The following PTGFR variants were observed in gnomAD, a reference collection of about 807,000 sequenced individuals.
PTGFR encodes the protein prostaglandin F receptor.
PTGFR carries 15 observed loss-of-function variants against 26.2 expected under a neutral mutation model. The ratio of observed to expected loss-of-function variants is 0.57; its 90% CI spans 0.38 to 0.88. PTGFR has a LOEUF of 0.88. PTGFR is among the 40% of genes least tolerant of loss of function. PTGFR has a pLI of 0.00. For missense variants in PTGFR, 369 were observed against 427.2 expected, an observed-to-expected ratio of 0.86 and a Z score of 1.20; for synonymous variants, 165 against 151.1, an observed-to-expected ratio of 1.09 and a Z score of -0.68.
intron 2 of PTGFR, among the ~76,000 whole-genome samples, chr1:78,508,551 G>A (rs1649880387): frequency 6.6e-6 from 1 of 152,082 alleles, no homozygotes; most frequent in Admixed American, 6.5e-5. Flanking sequence ...GCAAGTGCTA[G>A]CTCCCTGCTG....
chr1:78,515,760 A>G (rs545380928), intron 2 of PTGFR, among the ~76,000 whole-genome samples: 1 of 152,308 alleles, frequency 6.6e-6, no homozygotes, highest in African/African-American at 2.4e-5. Flanking sequence ...TGATTAATCT[A>G]ATTTCTTAAG....
chr1:78,520,326 C>A (rs1650193350), intron 2 of PTGFR, among the ~76,000 whole-genome samples: 1 of 152,046 alleles, frequency 6.6e-6, no homozygotes, highest in Middle Eastern at 3.4e-3. Context: ...TAAGTGAGGC[C>A]ATTTTTGTGG....
intron 2 of PTGFR, among the ~76,000 whole-genome samples, chr1:78,504,756 T>G (rs1033645074): frequency 1.3e-5 from 2 of 152,190 alleles, no homozygotes; most frequent in Non-Finnish European, 2.9e-5. Flanking sequence ...GTTAATGATC[T>G]GAATTTTCTA....
chr1:78,506,767 T>A (rs1006158002), intron 2 of PTGFR, among the ~76,000 whole-genome samples: 3 of 152,164 alleles, frequency 2.0e-5, no homozygotes, highest in African/African-American at 7.2e-5. Flanking sequence ...TTTTGGCTAA[T>A]TCCAGCATTT....
In PTGFR at chr1:78,519,836, G is replaced by A. The variant is rs937899302; in HGVS notation, c.799-16570G>A. Among the ~76,000 whole-genome samples, 11 of 152,120 alleles carry A rather than the reference G, an allele frequency of 7.2e-5. 1 individual carries two copies. The East Asian group carries it at 9.6e-4, about 13-fold the overall frequency. The stretch of plus-strand genomic sequence containing the variant: ...CATTGCGGTGTCTGGTGGTCTCTGG[G>A]CTTAGTGGAGTAGGTTCTTACCTAC... On this transcript the variant is annotated intron_variant, in intron 2 of 2. Transcript: ENST00000370757.
chr1:78,509,504 ATTT>A (rs1001243803), intron 2 of PTGFR, among the ~76,000 whole-genome samples: 4 of 152,228 alleles, frequency 2.6e-5, no homozygotes, highest in African/African-American at 2.4e-5. Context: ...TAGTATAAAA[ATTT>A]ATTTCCAAAT....
chr1:78,493,946 T>G (rs1478721367), intron 2 of PTGFR, among the ~76,000 whole-genome samples: 1 of 152,260 alleles, frequency 6.6e-6, no homozygotes, highest in South Asian at 2.1e-4. Flanking sequence ...TATTAGCTAC[T>G]GGGTTCTCCA....
chr1:78,529,572 G>A (rs1650455655), intron 2 of PTGFR, among the ~76,000 whole-genome samples: 1 of 152,110 alleles, frequency 6.6e-6, no homozygotes, highest in Non-Finnish European at 1.5e-5. Flanking sequence ...TTTTATAGAT[G>A]TGTTTTCTTC....
chr1:78,513,488 C>T (rs1650020191), intron 2 of PTGFR, among the ~76,000 whole-genome samples: 1 of 151,252 alleles, frequency 6.6e-6, no homozygotes, highest in African/African-American at 2.5e-5. Context: ...AGCAGCAAAG[C>T]ATTTAAGAAA....
intron 2 of PTGFR, among the ~76,000 whole-genome samples, chr1:78,513,823 A>C (rs1370652833): frequency 6.6e-6 from 1 of 151,882 alleles, no homozygotes; most frequent in Non-Finnish European, 1.5e-5. Flanking sequence ...TGTTTCCCAC[A>C]TCCAGGGTGC....
intron 2 of PTGFR, among the ~76,000 whole-genome samples, chr1:78,533,405 A>C (rs1650568824): frequency 6.6e-6 from 1 of 152,166 alleles, no homozygotes; most frequent in Admixed American, 6.5e-5. Flanking sequence ...GGACTAGACA[A>C]CATTTTCCTG....
chr1:78,522,298 G>C (rs548708194), intron 2 of PTGFR, among the ~76,000 whole-genome samples: 1 of 151,984 alleles, frequency 6.6e-6, no homozygotes, highest in Admixed American at 6.6e-5. Flanking sequence ...TGCCTTTAAA[G>C]GGACTCATGT....
Position 78,539,526 on chromosome 1 carries a change from C to A in PTGFR, c.*2839C>A, listed in dbSNP as rs1650741745. 6.6e-6 allele frequency: 1 copy of A among 152,456 alleles called. No individual in the cohort carries two copies. The highest frequency in any genetic ancestry group is 2.4e-5 in the African/African-American group (1 of 41,416). The allele number at this position is 152,456 out of a possible 1,614,324, so 9.4% of individuals were successfully genotyped here. ...TTACCACCTGGTAAATAATGTTGGA[C>A]TTCAACTTGTTACTGGCACATTTTA... On this transcript the variant is annotated 3_prime_UTR_variant, in exon 3 of 3. Transcript: ENST00000370757.
intron 2 of PTGFR, among the ~76,000 whole-genome samples, chr1:78,511,836 C>T (rs995427858): frequency 2.0e-5 from 3 of 152,186 alleles, no homozygotes; most frequent in Non-Finnish European, 2.9e-5. Flanking sequence ...TCCTTTGTCC[C>T]TGTATCTGAT....
intron 2 of PTGFR, among the ~76,000 whole-genome samples, chr1:78,511,074 G>A (rs1428623778): frequency 6.6e-6 from 1 of 152,214 alleles, no homozygotes; most frequent in African/African-American, 2.4e-5. Flanking sequence ...GCTCCCATGG[G>A]TTGGAGTTGA....
Position 78,536,462 on chromosome 1 carries a change from A to G in PTGFR, c.855A>G (p.Thr285=). The change falls in exon 3 of 3, where the codon ACA becomes ACG. Residue 285 remains threonine, a synonymous_variant. Coordinates refer to ENST00000370757, the MANE Select transcript of PTGFR (RefSeq NM_000959.4). ...NGNHSLETCE[T]TLFALRMATW... The stretch of plus-strand genomic sequence containing the variant: ...ATCATTCTCTGGAAACCTGTGAAAC[A>G]ACACTTTTTGCTCTCCGAATGGCAA... The G allele has an allele frequency of 6.2e-7, 1 of 1,613,258 alleles. No individual in the cohort carries two copies. Among genetic ancestry groups the G allele is most frequent in the South Asian group, 1.1e-5 (1 of 91,016 alleles).
In PTGFR at chr1:78,493,270, A is replaced by T; in HGVS notation, c.527A>T (p.Asp176Val). 3.1e-6 allele frequency: 5 copies of T among 1,614,158 alleles called. No homozygotes were observed. The highest frequency in any genetic ancestry group is 4.2e-6 in the Non-Finnish European group (5 of 1,180,014). Residue 176 changes from aspartate to valine, a missense_variant, in exon 2 of 3, where the codon GAC (aspartate) becomes GTC (valine). Transcript: ENST00000370757. Reference protein sequence around the residue: ...IALLPILGHRDYKIQASRTWC... With the variant: ...IALLPILGHRVYKIQASRTWC... ...TTGCTGCCCATCCTTGGACATCGAG[A>T]CTATAAAATTCAGGCGTCGAGGACC...
chr1:78,503,788 G>C (rs540230441), intron 2 of PTGFR, among the ~76,000 whole-genome samples: 1 of 152,278 alleles, frequency 6.6e-6, no homozygotes, highest in South Asian at 2.1e-4. Flanking sequence ...AATACTGAAG[G>C]AACCTCTGAT....
intron 2 of PTGFR, among the ~76,000 whole-genome samples, chr1:78,526,943 G>T (rs891110850): frequency 2.6e-5 from 4 of 152,106 alleles, no homozygotes; most frequent in African/African-American, 7.2e-5. Context: ...GCAGGGCCTT[G>T]TAGCTTTGTT....
Sources: allele counts gnomAD v4.1 joint callset (sites outside exome capture counted in the v4.1 genomes callset), GRCh38; gene constraint gnomAD v4.1.1; transcripts MANE v1.5; gene names NCBI Gene and HGNC (gene_info 2026-07-23, HGNC 2026-07-21).